The following PHKA1 variants were observed in gnomAD, a reference collection of about 807,000 sequenced individuals.
The protein encoded by PHKA1 is phosphorylase kinase regulatory subunit alpha 1.
A neutral mutation model predicts 110.2 loss-of-function variants in PHKA1; 60 were observed. That is an observed-to-expected ratio of 0.54 (90% CI 0.44 to 0.68). The LOEUF is 0.68. Among genes scored for constraint, PHKA1 ranks in the 30% least tolerant of loss-of-function variants. PHKA1 has a pLI of 0.00. For synonymous variants in PHKA1, 316 were observed against 333.6 expected, an observed-to-expected ratio of 0.95 and a Z score of 0.58; for missense variants, 801 against 942.5, an observed-to-expected ratio of 0.85 and a Z score of 1.97.
At chrX:72,611,726 C>T (rs2052812792) in intron 21 of PHKA1, among the ~76,000 whole-genome samples, 1 of 111,992 alleles carries the variant, frequency 8.9e-6, no homozygotes, top group Non-Finnish European at 1.9e-5. Flanking sequence ...TTTAACTTAG[C>T]ACTATACCAA....
chrX:72,644,917 A>G (rs965190661), intron 13 of PHKA1, among the ~76,000 whole-genome samples: 1 of 111,848 alleles, frequency 8.9e-6, no homozygotes, highest in Admixed American at 9.5e-5. Flanking sequence ...TAATGACAAG[A>G]GTTGCCTATA....
At chrX:72,675,503 G>A (rs1194081158) in intron 6 of PHKA1, among the ~76,000 whole-genome samples, 1 of 111,074 alleles carries the variant, frequency 9.0e-6, no homozygotes, top group Non-Finnish European at 1.9e-5. Context: ...CATATTAGTA[G>A]GACAGACTAA....
Position 72,668,104 on chromosome X carries a change from C to A in PHKA1, c.619-631G>T, listed in dbSNP as rs2053636048. On this transcript the variant is annotated intron_variant, in intron 6 of 31. Coordinates refer to ENST00000373542, the MANE Select transcript of PHKA1 (RefSeq NM_002637.4). ...TAATAAAGTATATTTAGCCATTTAC[C>A]AATTCTTGGAAATTTAGGTCGCCTT... Among the ~76,000 whole-genome samples the A allele has an allele frequency of 3.6e-5, 4 of 111,475 alleles. No individual in the cohort carries two copies. The South Asian group carries it at 1.5e-3, about 42-fold the overall frequency.
intron 28 of PHKA1, among the ~76,000 whole-genome samples, chrX:72,598,543 T>C (rs936650743): frequency 1.8e-5 from 2 of 111,595 alleles, no homozygotes; most frequent in South Asian, 7.5e-4. Context: ...ATACAAAAAC[T>C]TGTGCATGAA....
intron 10 of PHKA1, 88 bp from the exon 11 acceptor site, chrX:72,653,618 T>C: frequency 1.7e-6 from 1 of 582,224 alleles, no homozygotes; most frequent in Non-Finnish European, 2.9e-6. Flanking sequence ...GAAGGTCCTA[T>C]TGCAAAGGAG....
At chrX:72,598,166 A>G (rs2052614217) in intron 28 of PHKA1, among the ~76,000 whole-genome samples, 1 of 111,694 alleles carries the variant, frequency 9.0e-6, no homozygotes, top group Non-Finnish European at 1.9e-5. Flanking sequence ...CAACTCAACA[A>G]TAAAAAGACA....
Position 72,653,532 on chromosome X carries a change from T to A in PHKA1, c.1042-2A>T. ...AAGAGCCTCTTTATATTCTTGAACC[T>A]GCAGATAAAAGAAAGGCAGGAAAAA... On this transcript the variant is annotated splice_acceptor_variant, in intron 10 of 31. Transcript: ENST00000373542. LOFTEE classifies it high-confidence loss of function. 8.6e-7 allele frequency: 1 copy of A among 1,167,113 alleles called. No homozygotes were observed. Among genetic ancestry groups the A allele is most frequent in the Non-Finnish European group, 1.2e-6 (1 of 856,444 alleles).
intron 3 of PHKA1, among the ~76,000 whole-genome samples, chrX:72,698,344 C>G (rs1456226990): frequency 8.9e-6 from 1 of 111,993 alleles, no homozygotes; most frequent in Non-Finnish European, 1.9e-5. Context: ...AAATCAGATA[C>G]TAAAAAAGAA....
intron 28 of PHKA1, among the ~76,000 whole-genome samples, chrX:72,595,240 C>T (rs1264111002): frequency 9.0e-6 from 1 of 111,313 alleles, no homozygotes; most frequent in East Asian, 2.8e-4. Context: ...ATTCGACACA[C>T]CTTCATGATA....
At chrX:72,606,145 T>C (rs1556251058) in intron 23 of PHKA1, among the ~76,000 whole-genome samples, 2 of 111,630 alleles carry the variant, frequency 1.8e-5, no homozygotes, top group Non-Finnish European at 1.9e-5. Flanking sequence ...CTCTTCTAGT[T>C]ATTTTGAAAT....
intron 21 of PHKA1, among the ~76,000 whole-genome samples, chrX:72,617,861 G>C (rs2052921063): frequency 9.1e-6 from 1 of 109,593 alleles, no homozygotes; most frequent in African/African-American, 3.3e-5. Context: ...AAAAGGAAAA[G>C]GGGAGAGTTC....
At chrX:72,586,811 C>G (rs1377767041) in intron 29 of PHKA1, among the ~76,000 whole-genome samples, 2 of 109,804 alleles carry the variant, frequency 1.8e-5, no homozygotes, top group Non-Finnish European at 3.8e-5. Context: ...CCAACTCAAT[C>G]AAGCGGAAGA....
chrX:72,631,507 T>C (rs1556288026), intron 16 of PHKA1, among the ~76,000 whole-genome samples: 1 of 111,538 alleles, frequency 9.0e-6, no homozygotes, highest in African/African-American at 3.3e-5. Context: ...CCTAGTAAAA[T>C]AGGGTCTAAA....
At chrX:72,665,575 A>G (rs1556306003) in intron 8 of PHKA1, among the ~76,000 whole-genome samples, 1 of 111,683 alleles carries the variant, frequency 9.0e-6, no homozygotes, top group Non-Finnish European at 1.9e-5. Flanking sequence ...CACAAGAACA[A>G]CAAAAAACCC....
intron 5 of PHKA1, among the ~76,000 whole-genome samples, chrX:72,681,054 G>A (rs1556314557): frequency 6.6e-5 from 3 of 45,241 alleles, no homozygotes; most frequent in African/African-American, 2.6e-4. Flanking sequence ...GTCTCCGCCC[G>A]GCCGCCATCC....
chrX:72,647,568 A>G (rs2053375843), intron 13 of PHKA1, among the ~76,000 whole-genome samples: 1 of 111,679 alleles, frequency 9.0e-6, no homozygotes, highest in Admixed American at 9.5e-5. Flanking sequence ...TTAGAATATA[A>G]CCTTGGAAAA....
chrX:72,620,631 T>TA, intron 19 of PHKA1, 94 bp downstream of exon 19: 1 of 744,910 alleles, frequency 1.3e-6, no homozygotes, highest in South Asian at 2.2e-5. Context: ...TGAAGAAAAC[T>TA]AAAGTTCCTG....
chrX:72,601,574 G>A (rs2052657937), intron 28 of PHKA1, among the ~76,000 whole-genome samples: 1 of 110,723 alleles, frequency 9.0e-6, no homozygotes, highest in East Asian at 2.8e-4. Context: ...GAGGATAGGA[G>A]TTTCTGGCTA....
chrX:72,638,373 C>CAAAA (rs781972512), intron 14 of PHKA1, among the ~76,000 whole-genome samples: 1 of 38,038 alleles, frequency 2.6e-5, no homozygotes, highest in African/African-American at 9.3e-5. Context: ...GAGCTTCTCT[C>CAAAA]AAAAAAAAAA....
Sources: gnomAD v4.1 joint callset for allele counts (sites outside exome capture counted in the v4.1 genomes callset) on GRCh38, gnomAD v4.1.1 for gene constraint, MANE v1.5 for transcripts, NCBI Gene and HGNC (gene_info 2026-07-23, HGNC 2026-07-21) for gene names.